The following PRKD1 variants were observed in gnomAD, a reference collection of about 807,000 sequenced individuals.
PRKD1 encodes protein kinase D1.
In PRKD1, 63 loss-of-function variants were observed where a neutral mutation model predicts 95.9. That is an observed-to-expected ratio of 0.66 (90% CI 0.54 to 0.81). The LOEUF is 0.81. Among genes scored for constraint, PRKD1 ranks in the 30% least tolerant of loss-of-function variants. The pLI is 0.00. For missense variants in PRKD1, 1,048 were observed against 1,165.3 expected (o/e 0.90, Z 1.47); for synonymous variants, 425 against 423.1 (o/e 1.00, Z -0.05).
intron 1 of PRKD1, among the ~76,000 whole-genome samples, chr14:29,842,933 C>A (rs1021494298): frequency 6.6e-6 from 1 of 152,112 alleles, no homozygotes; most frequent in Non-Finnish European, 1.5e-5. Context: ...ATGAAAAAGA[C>A]AGTATCCAAA....
chr14:29,643,379 TC>T lies in PRKD1; in HGVS notation c.697-4476del. On this transcript the variant is annotated intron_variant, in intron 4 of 17. Coordinates refer to ENST00000331968, the MANE Select transcript of PRKD1 (RefSeq NM_002742.3). ...TTAAATAAAATAAAAATTATGAAGATCAATTTTTTTAAGTTTGTGGTTTCAC... is the reference window on the plus strand; with the variant it reads ...TTAAATAAAATAAAAATTATGAAGATAATTTTTTTAAGTTTGTGGTTTCAC... 2.0e-5 allele frequency among the ~76,000 whole-genome samples: 3 copies of T among 152,268 alleles called. 1 individual carries two copies. The South Asian group carries it at 6.2e-4, about 32-fold the overall frequency.
rs1885710406 is a variant in PRKD1, at chr14:29,718,020, T to A, written c.403+7516A>T. Reference sequence around the variant, plus strand: ...AGGAAGAAGTGCACCAAGCACAATATCCCTACTGAAGTCACAAGTAGGGAA... The same window carrying A: ...AGGAAGAAGTGCACCAAGCACAATAACCCTACTGAAGTCACAAGTAGGGAA... On this transcript the variant is annotated intron_variant, in intron 2 of 17. Transcript: ENST00000331968. 2.6e-5 allele frequency among the ~76,000 whole-genome samples: 4 copies of A among 152,112 alleles called. No homozygotes were observed. The South Asian group carries it at 8.3e-4, about 32-fold the overall frequency.
intron 1 of PRKD1, among the ~76,000 whole-genome samples, chr14:29,880,972 G>A (rs950347526): frequency 6.6e-6 from 1 of 152,174 alleles, no homozygotes; most frequent in African/African-American, 2.4e-5. Context: ...CAGGCTCATA[G>A]GTGAAAGGAA....
At position 29,637,831 on chromosome 14, in the gene PRKD1, C is replaced by T. The variant is rs937326071; in HGVS notation, c.985+658G>A. The stretch of plus-strand genomic sequence containing the variant: ...GAAAGTATCTGTGATCTTTTACAGC[C>T]ATTTTCCTTTCCAGAGGAATTGGAA... On this transcript the variant is annotated intron_variant, in intron 6 of 17. Coordinates refer to ENST00000331968, the MANE Select transcript of PRKD1 (RefSeq NM_002742.3). Among the ~76,000 whole-genome samples, 11 of 152,258 alleles carry T rather than the reference C, an allele frequency of 7.2e-5. 1 individual carries two copies. Among genetic ancestry groups the T allele is most frequent in the African/African-American group, 2.4e-4 (10 of 41,544 alleles).
intron 13 of PRKD1, 128 bp from the exon 14 acceptor site, chr14:29,599,945 TCTA>T: frequency 1.5e-6 from 1 of 689,140 alleles, no homozygotes; most frequent in Admixed American, 3.6e-5. Context: ...TTTTAACACC[TCTA>T]CATTCCACAT....
At chr14:29,885,557 TA>T (rs998501924) in intron 1 of PRKD1, among the ~76,000 whole-genome samples, 1 of 150,852 alleles carries the variant, frequency 6.6e-6, no homozygotes, top group Non-Finnish European at 1.5e-5. Flanking sequence ...ACAGCTTATT[TA>T]AAAAAAAACT....
intron 1 of PRKD1, among the ~76,000 whole-genome samples, chr14:29,767,438 T>C (rs1888305263): frequency 6.6e-6 from 1 of 152,152 alleles, no homozygotes; most frequent in Non-Finnish European, 1.5e-5. Flanking sequence ...GTTATACCTT[T>C]TGGAGCCATG....
intron 1 of PRKD1, among the ~76,000 whole-genome samples, chr14:29,894,071 T>C (rs778009410): frequency 2.0e-5 from 3 of 151,980 alleles, no homozygotes; most frequent in Non-Finnish European, 4.4e-5. Context: ...CAGTGAGAAA[T>C]GGGAGTATAT....
chr14:29,833,484 G>A (rs1302365895), intron 1 of PRKD1, among the ~76,000 whole-genome samples: 1 of 151,952 alleles, frequency 6.6e-6, no homozygotes, highest in Non-Finnish European at 1.5e-5. Flanking sequence ...AAAATGGGAT[G>A]GGCAACTTCC....
chr14:29,852,775 C>T (rs1207343029), intron 1 of PRKD1, among the ~76,000 whole-genome samples: 1 of 151,982 alleles, frequency 6.6e-6, no homozygotes, highest in African/African-American at 2.4e-5. Flanking sequence ...AAATGTTTCA[C>T]TTCAAAAAAG....
intron 1 of PRKD1, among the ~76,000 whole-genome samples, chr14:29,740,601 A>T (rs1004446301): frequency 2.8e-4 from 42 of 152,194 alleles, no homozygotes; most frequent in African/African-American, 9.9e-4. Flanking sequence ...TTCAGAACTG[A>T]AATCCCTGAG....
At chr14:29,636,574 A>G (rs757448106) in intron 6 of PRKD1, 80 bp from the exon 7 acceptor site, 4 of 1,413,084 alleles carry the variant, frequency 2.8e-6, no homozygotes, top group Non-Finnish European at 3.9e-6. Context: ...TGATCCTAAA[A>G]CAAATCAATT....
chr14:29,641,318 T>C (rs767689893), intron 4 of PRKD1, among the ~76,000 whole-genome samples: 2 of 152,196 alleles, frequency 1.3e-5, no homozygotes, highest in Admixed American at 6.5e-5. Flanking sequence ...CAAAATCAGA[T>C]AGCAATCCAA....
intron 1 of PRKD1, among the ~76,000 whole-genome samples, chr14:29,820,102 C>A (rs1890852850): frequency 6.6e-6 from 1 of 152,178 alleles, no homozygotes; most frequent in African/African-American, 2.4e-5. Context: ...TGAGGCATAT[C>A]CGCCCTAAAC....
intron 1 of PRKD1, among the ~76,000 whole-genome samples, chr14:29,875,683 A>G (rs976655786): frequency 6.6e-6 from 1 of 152,254 alleles, no homozygotes; most frequent in Non-Finnish European, 1.5e-5. Flanking sequence ...GCTGATGTCC[A>G]TTTAAACAAC....
chr14:29,643,273 T>G (rs1465409493), intron 4 of PRKD1, among the ~76,000 whole-genome samples: 1 of 152,134 alleles, frequency 6.6e-6, no homozygotes, highest in Non-Finnish European at 1.5e-5. Context: ...GTGTTAGAAG[T>G]GTAAGAGTTA....
Position 29,888,735 on chromosome 14 carries a change from T to C in PRKD1, c.264+38514A>G, listed in dbSNP as rs141767631. ...CCAGACACACCACACAAATCAGAAATTCAGCTCCTCAATAATGCAGAATTT... is the reference window on the plus strand; with the variant it reads ...CCAGACACACCACACAAATCAGAAACTCAGCTCCTCAATAATGCAGAATTT... On this transcript the variant is annotated intron_variant, in intron 1 of 17. Transcript: ENST00000331968. Among the ~76,000 whole-genome samples, 1,034 of 152,208 alleles carry C rather than the reference T, an allele frequency of 6.8e-3. 6 individuals carry two copies. Among genetic ancestry groups the C allele is most frequent in the Non-Finnish European group, 0.01 (705 of 68,000 alleles).
In PRKD1 at chr14:29,860,076, A is replaced by C. The variant is rs76149382; in HGVS notation, c.264+67173T>G. Among the ~76,000 whole-genome samples the C allele has an allele frequency of 8.4e-4, 128 of 152,376 alleles. 1 individual carries two copies. Among genetic ancestry groups the C allele is most frequent in the Non-Finnish European group, 1.6e-3 (111 of 68,036 alleles). On this transcript the variant is annotated intron_variant, in intron 1 of 17. Coordinates refer to ENST00000331968, the MANE Select transcript of PRKD1 (RefSeq NM_002742.3). The stretch of plus-strand genomic sequence containing the variant: ...TAGAGACTTAAGGGCAAAAGGTTGC[A>C]AGGCTTAAGTAGTAGTTTTGAAAAA...
intron 2 of PRKD1, among the ~76,000 whole-genome samples, chr14:29,714,424 GTT>G (rs1885494850): frequency 6.6e-6 from 1 of 152,168 alleles, no homozygotes; most frequent in Non-Finnish European, 1.5e-5. Flanking sequence ...TCTCACACCA[GTT>G]AGAATAGCAA....
Sources: gnomAD v4.1 joint callset for allele counts (sites outside exome capture counted in the v4.1 genomes callset) on GRCh38, gnomAD v4.1.1 for gene constraint, MANE v1.5 for transcripts, NCBI Gene and HGNC (gene_info 2026-07-23, HGNC 2026-07-21) for gene names.